Variants in SLC35F1 observed in about 807,000 individuals in gnomAD.
SLC35F1 encodes chromosome 6 open reading frame 169.
SLC35F1 carries 14 observed loss-of-function variants against 48.7 expected under a neutral mutation model. The ratio of observed to expected loss-of-function variants is 0.29; its 90% confidence interval spans 0.19 to 0.45. The LOEUF (loss-of-function observed/expected upper bound fraction) is 0.45. SLC35F1 is among the 20% of genes least tolerant of loss of function. The pLI is 1.00. For synonymous variants in SLC35F1, 190 were observed against 202.2 expected (o/e 0.94, Z 0.51); for missense variants, 404 against 500.0 (o/e 0.81, Z 1.83).
At chr6:118,103,863 C>T (rs1773293353) in intron 1 of SLC35F1, among the ~76,000 whole-genome samples, 1 of 151,978 alleles carries the variant, frequency 6.6e-6, no homozygotes, top group South Asian at 2.1e-4. Context: ...TCATTCAGTT[C>T]TGTGGCAGTT....
intron 1 of SLC35F1, among the ~76,000 whole-genome samples, chr6:117,970,087 T>C (rs1352404947): frequency 2.6e-5 from 4 of 152,236 alleles, no homozygotes; most frequent in African/African-American, 9.6e-5. Context: ...TGTCTGAATT[T>C]GGTGACTTTA....
At chr6:118,204,986 C>T (rs867962797) in intron 2 of SLC35F1, among the ~76,000 whole-genome samples, 21 of 152,316 alleles carry the variant, frequency 1.4e-4, no homozygotes, top group Middle Eastern at 3.4e-3. Context: ...GAAAGCTACG[C>T]TGGAGCTCCC....
chr6:118,028,555 G>T (rs2114890710), intron 1 of SLC35F1, among the ~76,000 whole-genome samples: 1 of 152,222 alleles, frequency 6.6e-6, no homozygotes, highest in East Asian at 1.9e-4. Flanking sequence ...TGGGTGGATA[G>T]TGTTGAGTTT....
chr6:118,229,928 A>G (rs188209114), intron 2 of SLC35F1, among the ~76,000 whole-genome samples: 1 of 152,360 alleles, frequency 6.6e-6, no homozygotes, highest in African/African-American at 2.4e-5. Context: ...TTGTAATGCT[A>G]TCTTACTTCA....
intron 5 of SLC35F1, 135 bp downstream of exon 5, chr6:118,275,750 T>A (rs1775911525): frequency 4.6e-6 from 3 of 652,540 alleles, no homozygotes; most frequent in Non-Finnish European, 7.4e-6. Context: ...TTATGTAATC[T>A]GCCAACTCAA....
chr6:118,140,457 G>T (rs1045121366), intron 1 of SLC35F1, among the ~76,000 whole-genome samples: 1 of 152,090 alleles, frequency 6.6e-6, no homozygotes, highest in Admixed American at 6.6e-5. Context: ...GCTGGCAGTC[G>T]TACAAAAGTA....
chr6:118,091,492 C>A (rs189044503), intron 1 of SLC35F1, among the ~76,000 whole-genome samples: 14 of 152,316 alleles, frequency 9.2e-5, no homozygotes, highest in African/African-American at 3.1e-4. Context: ...TGCCTTTGCT[C>A]CTCCTTCACC....
rs899441868 is a variant in SLC35F1, at chr6:118,200,199, C to T, written c.350-35310C>T. On this transcript the variant is annotated intron_variant, in intron 2 of 7. Transcript: ENST00000360388. ...ACATACATACATACATACATACATA[C>T]ATACATAGCAAACCAGAGCTGGACA... 4.0e-5 allele frequency among the ~76,000 whole-genome samples: 6 copies of T among 150,982 alleles called. No individual in the cohort carries two copies. In the South Asian group the frequency reaches 6.2e-4, roughly 16 times the overall value.
intron 1 of SLC35F1, among the ~76,000 whole-genome samples, chr6:117,945,940 AG>A (rs1291421419): frequency 6.6e-6 from 1 of 152,210 alleles, no homozygotes; most frequent in African/African-American, 2.4e-5. Context: ...AGAGAATATG[AG>A]AGTTGTTAAA....
intron 2 of SLC35F1, among the ~76,000 whole-genome samples, chr6:118,156,960 A>C (rs1220223551): frequency 1.3e-5 from 2 of 152,198 alleles, no homozygotes; most frequent in Non-Finnish European, 2.9e-5. Context: ...GAGGCTAAAA[A>C]AGCTTAGAAG....
intron 3 of SLC35F1, among the ~76,000 whole-genome samples, chr6:118,260,111 A>T (rs1006128347): frequency 9.2e-5 from 14 of 152,312 alleles, no homozygotes; most frequent in African/African-American, 3.4e-4. Context: ...AAATGAAAGA[A>T]ACCAGTCACA....
intron 2 of SLC35F1, among the ~76,000 whole-genome samples, chr6:118,217,483 G>A (rs1401631881): frequency 6.6e-6 from 1 of 152,106 alleles, no homozygotes; most frequent in African/African-American, 2.4e-5. Context: ...GGTAAGTGGG[G>A]AATATTGTTT....
intron 1 of SLC35F1, among the ~76,000 whole-genome samples, chr6:118,122,834 G>A (rs1393065752): frequency 1.2e-4 from 19 of 152,226 alleles, no homozygotes; most frequent in South Asian, 2.1e-4. Flanking sequence ...TAAAATGCCC[G>A]ACACCTAATA....
At chr6:117,966,272 G>T (rs1776568571) in intron 1 of SLC35F1, among the ~76,000 whole-genome samples, 1 of 152,096 alleles carries the variant, frequency 6.6e-6, no homozygotes, top group Non-Finnish European at 1.5e-5. Flanking sequence ...CTGCCTTTAT[G>T]AGATGTAACA....
intron 7 of SLC35F1, among the ~76,000 whole-genome samples, chr6:118,310,692 A>G (rs1386903091): frequency 2.0e-5 from 3 of 152,178 alleles, no homozygotes; most frequent in Non-Finnish European, 4.4e-5. Context: ...TCCACCATAT[A>G]AAATCCCATG....
At chr6:118,303,609 C>T (rs1049094862) in intron 7 of SLC35F1, among the ~76,000 whole-genome samples, 1 of 152,194 alleles carries the variant, frequency 6.6e-6, no homozygotes, top group Non-Finnish European at 1.5e-5. Context: ...CTCTATGCTT[C>T]TCTGAGGGGT....
chr6:118,133,333 C>A (rs181121545), intron 1 of SLC35F1, among the ~76,000 whole-genome samples: 98 of 152,174 alleles, frequency 6.4e-4, no homozygotes, highest in African/African-American at 2.2e-3. Context: ...AGAAAACTTG[C>A]CTTGACTGAG....
chr6:117,921,849 A>G (rs1775903596), intron 1 of SLC35F1, among the ~76,000 whole-genome samples: 1 of 152,218 alleles, frequency 6.6e-6, no homozygotes, highest in African/African-American at 2.4e-5. Flanking sequence ...CATTTTGGAT[A>G]TCAATCGTCA....
intron 1 of SLC35F1, among the ~76,000 whole-genome samples, chr6:117,928,521 A>G (rs529498089): frequency 8.5e-5 from 13 of 152,298 alleles, no homozygotes; most frequent in South Asian, 6.2e-4. Flanking sequence ...GATCCTTAGG[A>G]AAATAGTTTG....
Sources: allele counts gnomAD v4.1 joint callset (sites outside exome capture counted in the v4.1 genomes callset), GRCh38; gene constraint gnomAD v4.1.1; transcripts MANE v1.5; gene names NCBI Gene and HGNC (gene_info 2026-07-23, HGNC 2026-07-21).